DIP2A: variants seen among roughly 807,000 people sequenced by gnomAD.
DIP2A encodes DIP2 acetate--CoA ligase A, also known as disco-interacting protein 2 homolog A.
In DIP2A, 85 loss-of-function variants were observed where a neutral mutation model predicts 177.4. That is an observed-to-expected ratio of 0.48 (90% CI 0.40 to 0.57). The LOEUF (loss-of-function observed/expected upper bound fraction) is 0.57. DIP2A is among the 20% of genes least tolerant of loss of function. DIP2A has a pLI of 0.00. For synonymous variants in DIP2A, 886 were observed against 881.8 expected (o/e 1.00, Z -0.08); for missense variants, 1,791 against 2,100.2 (o/e 0.85, Z 2.88).
chr21:46,473,288 AC>A (rs1357756311), intron 1 of DIP2A, among the ~76,000 whole-genome samples: 1 of 145,326 alleles, frequency 6.9e-6, no homozygotes, highest in East Asian at 2.1e-4. Flanking sequence ...ACATAGGGAG[AC>A]CCTGTCTCTA....
chr21:46,476,957 C>T (rs1265417484), intron 1 of DIP2A, among the ~76,000 whole-genome samples: 1 of 152,056 alleles, frequency 6.6e-6, no homozygotes, highest in Non-Finnish European at 1.5e-5. Context: ...GCAGCCAGCT[C>T]GTAGCATCGC....
chr21:46,463,680 T>TGTGTGTG, intron 1 of DIP2A, among the ~76,000 whole-genome samples: 1 of 131,040 alleles, frequency 7.6e-6, no homozygotes, highest in Non-Finnish European at 1.6e-5. Context: ...TGGGATATAT[T>TGTGTGTG]TGTGTGTGTG....
At chr21:46,534,522 C>G in intron 12 of DIP2A, 63 bp from the exon 13 acceptor site, 1 of 1,467,178 alleles carries the variant, frequency 6.8e-7, no homozygotes. Flanking sequence ...CTACCAGTTT[C>G]CATTCTGTCT....
chr21:46,551,039 G>A (rs562055780), intron 23 of DIP2A, among the ~76,000 whole-genome samples: 14 of 152,348 alleles, frequency 9.2e-5, no homozygotes, highest in Admixed American at 7.8e-4. Context: ...ATGGCTAGGA[G>A]ATGGCTCCCT....
intron 1 of DIP2A, among the ~76,000 whole-genome samples, chr21:46,460,983 C>T (rs985328462): frequency 6.6e-6 from 1 of 151,228 alleles, no homozygotes; most frequent in Non-Finnish European, 1.5e-5. Flanking sequence ...CATGAGCCAC[C>T]GTGCCTGGCT....
intron 12 of DIP2A, 56 bp downstream of exon 12, chr21:46,534,169 T>G: frequency 7.2e-7 from 1 of 1,394,242 alleles, no homozygotes; most frequent in African/African-American, 1.4e-5. Context: ...GGCTTAAGTC[T>G]TGCTTTTCAT....
At chr21:46,485,236 TTGTGTG>T (rs3060302) in intron 2 of DIP2A, among the ~76,000 whole-genome samples, 1 of 149,176 alleles carries the variant, frequency 6.7e-6, no homozygotes, top group Non-Finnish European at 1.5e-5. Context: ...TCAATAGGTT[TTGTGTG>T]TGTGTGTGTG....
intron 5 of DIP2A, 35 bp from the exon 6 acceptor site, chr21:46,504,326 G>T: frequency 6.2e-7 from 1 of 1,611,550 alleles, no homozygotes; most frequent in Admixed American, 1.7e-5. Context: ...TGACTTAACA[G>T]CCACTTTCAT....
At chr21:46,464,257 G>T (rs2054598878) in intron 1 of DIP2A, among the ~76,000 whole-genome samples, 1 of 152,014 alleles carries the variant, frequency 6.6e-6, no homozygotes, top group Admixed American at 6.5e-5. Flanking sequence ...GCCGGGCGTG[G>T]TGGCGTATGC....
Position 46,520,128 on chromosome 21 carries a change from C to T in DIP2A, c.1102+8514C>T, listed in dbSNP as rs9984509. 6.1e-3 allele frequency among the ~76,000 whole-genome samples: 922 copies of T among 152,180 alleles called. 10 individuals are homozygous for T. The highest frequency in any genetic ancestry group is 0.021 in the African/African-American group (886 of 41,518). The stretch of plus-strand genomic sequence containing the variant: ...TGACCTTGTGATACACCCATCTCGG[C>T]CTCCTCAAGTGCTGGGATTACAGGC... On this transcript the variant is annotated intron_variant, in intron 8 of 37. Coordinates refer to ENST00000417564, the MANE Select transcript of DIP2A (RefSeq NM_015151.4).
chr21:46,575,771 CATCTT>C, the DIP2A span, among the ~76,000 whole-genome samples: 2 of 152,288 alleles, frequency 1.3e-5, no homozygotes, highest in South Asian at 2.1e-4. Context: ...AGTGGAAAGA[CATCTT>C]ATGTTCATGG....
At chr21:46,504,533 G>GT in intron 6 of DIP2A, 44 bp downstream of exon 6, 1 of 1,558,338 alleles carries the variant, frequency 6.4e-7, no homozygotes, top group Non-Finnish European at 8.6e-7. Flanking sequence ...CAGAACACAG[G>GT]TTTTGTCTTT....
chr21:46,461,271 C>CAAAAAA lies in DIP2A; in HGVS notation c.91+2066_91+2071dup, dbSNP rs60346777. Among the ~76,000 whole-genome samples the CAAAAAA allele has an allele frequency of 1.9e-3, 94 of 49,316 alleles. 3 individuals are homozygous for CAAAAAA. Among genetic ancestry groups the CAAAAAA allele is most frequent in the African/African-American group, 7.1e-3 (84 of 11,832 alleles). The allele number at this position is 49,316 out of a possible 152,430, so 32.4% of individuals were successfully genotyped here. ...AGAGCGAGAACCTGTCTCTTCTCAC[C>CAAAAAA]AAAAAAAAAAAAAAAAAAAAAAGGA... On this transcript the variant is annotated intron_variant, in intron 1 of 37. Coordinates refer to ENST00000417564, the MANE Select transcript of DIP2A (RefSeq NM_015151.4).
chr21:46,539,715 A>G, intron 16 of DIP2A, 162 bp from the exon 17 acceptor site: 1 of 675,864 alleles, frequency 1.5e-6, no homozygotes, highest in Non-Finnish European at 2.7e-6. Flanking sequence ...TCCTTGAAGA[A>G]CATGAAGTCT....
chr21:46,565,373 G>A (rs2060804117), intron 35 of DIP2A, among the ~76,000 whole-genome samples: 1 of 152,234 alleles, frequency 6.6e-6, no homozygotes, highest in South Asian at 2.1e-4. Flanking sequence ...TGTCCCTGTT[G>A]TGGAATGTGG....
rs374875312 is a variant in DIP2A at position 46,498,645 on chromosome 21, C to T, written c.467C>T (p.Pro156Leu). ...CGACCCGGGCGACTCACCTCCACTC[C>T]GCTCCAGAGCCATTCCAGCGTCGAG... ...LRRPGRLTST[P>L]LQSHSSVEPW... The change falls in exon 5 of 38, where the codon CCG becomes CTG. Residue 156 changes from proline to leucine, a missense_variant. By Grantham distance (98) the Pro-to-Leu change is moderately conservative. Coordinates refer to ENST00000417564, the MANE Select transcript of DIP2A (RefSeq NM_015151.4). This position sits in a 1 kb window ranked among gnomAD's most constrained non-coding sequence, Gnocchi z 4.3. The T allele has an allele frequency of 5.4e-5, 87 of 1,613,682 alleles. No individual in the cohort carries two copies. The highest frequency in any genetic ancestry group is 3.3e-4 in the Middle Eastern group (2 of 6,060).
At chr21:46,503,354 T>G (rs2148564269) in intron 5 of DIP2A, among the ~76,000 whole-genome samples, 1 of 151,344 alleles carries the variant, frequency 6.6e-6, no homozygotes, top group South Asian at 2.1e-4. Context: ...GGAACTTGAT[T>G]GTGGTCTCTT....
intron 17 of DIP2A, 128 bp from the exon 18 acceptor site, chr21:46,541,628 C>T (rs1028977277): frequency 1.1e-5 from 12 of 1,060,160 alleles, no homozygotes; most frequent in Admixed American, 4.0e-5. Flanking sequence ...TTAGAACATG[C>T]GTTTCTCACA....
rs373902085 is a variant in DIP2A at position 46,463,265 on chromosome 21, A to C, written c.91+4043A>C. 2.0e-5 allele frequency: 3 copies of C among 152,232 alleles called. No homozygotes were observed. The East Asian group carries it at 5.8e-4, about 29-fold the overall frequency. 9.4% of individuals were successfully genotyped at this position (152,232 alleles called of 1,614,324 possible). ...ATATTTAAAAAAGAATTAATTCCCA[A>C]ACCTTTGTGCTTTGCCTGTTGCTGT... On this transcript the variant is annotated intron_variant, in intron 1 of 37. Coordinates refer to ENST00000417564, the MANE Select transcript of DIP2A (RefSeq NM_015151.4).
Sources: allele counts gnomAD v4.1 joint callset (sites outside exome capture counted in the v4.1 genomes callset), GRCh38; gene constraint gnomAD v4.1.1; non-coding constraint Gnocchi (gnomAD v3.1); transcripts MANE v1.5; gene names NCBI Gene and HGNC (gene_info 2026-07-23, HGNC 2026-07-21).